USP28: variants seen among roughly 807,000 people sequenced by gnomAD.
USP28 encodes ubiquitin carboxyl-terminal hydrolase 28.
A neutral mutation model predicts 145.0 loss-of-function variants in USP28; 113 were observed. That is an observed-to-expected ratio of 0.78 (90% CI 0.67 to 0.91). The LOEUF (loss-of-function observed/expected upper bound fraction) is 0.91. Among genes scored for constraint, USP28 ranks in the 40% least tolerant of loss-of-function variants. The probability of loss-of-function intolerance (pLI) is 0.00; values close to 1 mark genes in which losing one functional copy is unlikely to be tolerated. For missense variants in USP28, 1,201 were observed against 1,289.6 expected, an observed-to-expected ratio of 0.93 and a Z score of 1.05; for synonymous variants, 447 against 450.9, an observed-to-expected ratio of 0.99 and a Z score of 0.11.
At chr11:113,867,550 A>G (rs1451344156) in intron 1 of USP28, among the ~76,000 whole-genome samples, 1 of 151,760 alleles carries the variant, frequency 6.6e-6, no homozygotes, top group African/African-American at 2.4e-5. Flanking sequence ...TATGTTATAT[A>G]AATTTTGCCT....
At chr11:113,844,019 G>A (rs1391661387) in intron 3 of USP28, among the ~76,000 whole-genome samples, 1 of 152,100 alleles carries the variant, frequency 6.6e-6, no homozygotes. Context: ...TAAAAGTAGA[G>A]GATGACACAG....
chr11:113,852,524 GCA>G lies in USP28; in HGVS notation c.243_244del (p.Ala82CysfsTer15), dbSNP rs1946584405. On this transcript the variant is annotated frameshift_variant, in exon 3 of 25. Transcript: ENST00000003302. LOFTEE classifies it high-confidence loss of function. ...ACTTGCTAATACTTCCTTGTTGGCAGCACTCCCCTCTACTTCAGATGGTTCTG... is the reference window on the plus strand; with the variant it reads ...ACTTGCTAATACTTCCTTGTTGGCAGCTCCCCTCTACTTCAGATGGTTCTG... The G allele has an allele frequency of 6.2e-7, 1 of 1,614,052 alleles. No individual in the cohort carries two copies. Among genetic ancestry groups the G allele is most frequent in the Non-Finnish European group, 8.5e-7 (1 of 1,180,046 alleles).
At chr11:113,806,644 C>T in intron 18 of USP28, 60 bp from the exon 20 acceptor site, 1 of 1,264,668 alleles carries the variant, frequency 7.9e-7, no homozygotes, top group Non-Finnish European at 1.1e-6. Flanking sequence ...CAGCAGAAGA[C>T]TGTATGAAAG....
At chr11:113,826,327 C>T (rs868318731) in intron 11 of USP28, among the ~76,000 whole-genome samples, 13 of 141,406 alleles carry the variant, frequency 9.2e-5, no homozygotes, top group Middle Eastern at 3.8e-3. Context: ...AAAATCAAGC[C>T]ACCACACCCA....
At chr11:113,858,669 G>A (rs1319840190) in intron 1 of USP28, among the ~76,000 whole-genome samples, 3 of 152,176 alleles carry the variant, frequency 2.0e-5, no homozygotes, top group Admixed American at 6.5e-5. Context: ...GAGCGCAGCG[G>A]CGCAATCTCA....
At chr11:113,799,493 C>A in intron 24 of USP28, 78 bp from the exon 26 acceptor site, 3 of 1,452,672 alleles carry the variant, frequency 2.1e-6, no homozygotes, top group Non-Finnish European at 1.9e-6. Context: ...TCTATTAGCC[C>A]CTTACCTAAC....
intron 11 of USP28, 80 bp downstream of exon 11, chr11:113,827,153 C>G (rs1244204086): frequency 6.7e-7 from 1 of 1,496,988 alleles, no homozygotes; most frequent in Non-Finnish European, 8.9e-7. Context: ...CAGGTGATTC[C>G]TACGCACACT....
At chr11:113,859,342 C>A (rs1388067340) in intron 1 of USP28, 1 of 152,112 alleles carries the variant, frequency 6.6e-6, no homozygotes, top group African/African-American at 2.4e-5. Flanking sequence ...TATTAAGGGT[C>A]TAAGTGCTTG....
intron 11 of USP28, among the ~76,000 whole-genome samples, chr11:113,826,296 AAG>A (rs1491407216): frequency 4.1e-5 from 6 of 147,544 alleles, no homozygotes; most frequent in African/African-American, 1.2e-4. Flanking sequence ...AAAAAAAAAA[AAG>A]AAAGAAAGAA....
intron 1 of USP28, 45 bp downstream of exon 1, chr11:113,875,400 G>T: frequency 8.2e-7 from 1 of 1,223,260 alleles, no homozygotes. Context: ...TCCCCTCAGG[G>T]CCTGGAGCCC....
chr11:113,801,470 C>T lies in USP28; in HGVS notation c.3058+13G>A. On this transcript the variant is annotated intron_variant, in intron 24 of 24. Coordinates refer to ENST00000003302, the Ensembl canonical transcript of USP28. Reference sequence around the variant, plus strand: ...TCTCAAAACCTCAGAATATTATTACCAAGAGCATATACCTGCAATATCTTG... The same window carrying T: ...TCTCAAAACCTCAGAATATTATTACTAAGAGCATATACCTGCAATATCTTG... 2 of 1,528,410 alleles carry T rather than the reference C, an allele frequency of 1.3e-6. No individual in the cohort carries two copies. Among genetic ancestry groups the T allele is most frequent in the East Asian group, 2.3e-5 (1 of 43,744 alleles). 94.7% of individuals were successfully genotyped at this position (1,528,410 alleles called of 1,614,324 possible).
At chr11:113,812,707 G>A (rs957670243) in intron 15 of USP28, among the ~76,000 whole-genome samples, 4 of 152,136 alleles carry the variant, frequency 2.6e-5, no homozygotes, top group African/African-American at 9.7e-5. Context: ...AAACCAGATC[G>A]CTGAACTACA....
chr11:113,873,606 T>C (rs1949036306), intron 1 of USP28, among the ~76,000 whole-genome samples: 4 of 152,344 alleles, frequency 2.6e-5, no homozygotes, highest in South Asian at 4.1e-4. Flanking sequence ...ATATGACTTC[T>C]CTCTCCCTTA....
intron 1 of USP28, among the ~76,000 whole-genome samples, chr11:113,867,806 G>A (rs1948434318): frequency 6.7e-6 from 1 of 148,720 alleles, no homozygotes; most frequent in South Asian, 2.2e-4. Context: ...AAGGAAGGGG[G>A]GAGGGAGGGA....
intron 2 of USP28, among the ~76,000 whole-genome samples, chr11:113,853,530 A>C (rs1946711006): frequency 6.6e-6 from 1 of 152,118 alleles, no homozygotes; most frequent in South Asian, 2.1e-4. Flanking sequence ...ATTCTGAATC[A>C]AACCCTAACC....
chr11:113,837,272 A>C (rs1944673555), intron 5 of USP28, among the ~76,000 whole-genome samples: 1 of 152,206 alleles, frequency 6.6e-6, no homozygotes, highest in African/African-American at 2.4e-5. Context: ...TCACTCCTAC[A>C]TCAAGGGCCT....
At chr11:113,813,029 T>C (rs996842484) in intron 15 of USP28, among the ~76,000 whole-genome samples, 2 of 152,198 alleles carry the variant, frequency 1.3e-5, no homozygotes, top group Admixed American at 1.3e-4. Flanking sequence ...TGTTACAACA[T>C]TTGAAAAGCA....
intron 10 of USP28, chr11:113,828,860 T>C (rs1212436616): frequency 2.0e-6 from 1 of 506,000 alleles, no homozygotes; most frequent in African/African-American, 1.9e-5. Flanking sequence ...AGTTAATCAC[T>C]GTACTTTTAC....
chr11:113,798,200 A>C (rs1001501338), exon 25 of USP28: 20 of 150,046 alleles, frequency 1.3e-4, no homozygotes, highest in African/African-American at 4.9e-4. Flanking sequence ...AGATCACTTG[A>C]GGCCAGGAGT....
Sources: gnomAD v4.1 joint callset for allele counts (sites outside exome capture counted in the v4.1 genomes callset) on GRCh38, gnomAD v4.1.1 for gene constraint, MANE v1.5 for transcripts, NCBI Gene and HGNC (gene_info 2026-07-23, HGNC 2026-07-21) for gene names.